Variants in SV2C observed in about 807,000 individuals in gnomAD.
The protein encoded by SV2C is synaptic vesicle glycoprotein 2C.
A neutral mutation model predicts 79.7 loss-of-function variants in SV2C; 49 were observed. The ratio of observed to expected loss-of-function variants is 0.61; its 90% CI spans 0.49 to 0.78. The LOEUF is 0.78. Ranked by LOEUF, SV2C falls within the 30% of genes least tolerant of loss-of-function variation. SV2C has a pLI of 0.00. For missense variants in SV2C, 833 were observed against 912.9 expected (o/e 0.91, Z 1.13); for synonymous variants, 334 against 333.2 (o/e 1.00, Z -0.03).
At chr5:76,088,829 C>T (rs747318070) in intron 1 of SV2C, among the ~76,000 whole-genome samples, 13 of 151,810 alleles carry the variant, frequency 8.6e-5, no homozygotes, top group Non-Finnish European at 1.3e-4. Flanking sequence ...TCATTAATGC[C>T]AGTCCCCCTT....
the SV2C span, among the ~76,000 whole-genome samples, chr5:75,974,220 C>G: frequency 2.6e-5 from 4 of 151,968 alleles, no homozygotes; most frequent in East Asian, 7.7e-4. Flanking sequence ...TGGCAGAAAC[C>G]CAGGTTCAGC....
At chr5:76,320,047 C>T (rs901036483) in intron 12 of SV2C, among the ~76,000 whole-genome samples, 6 of 151,994 alleles carry the variant, frequency 3.9e-5, no homozygotes, top group African/African-American at 1.2e-4. Flanking sequence ...CACGGTGGCT[C>T]ATACCTGTAA....
chr5:76,222,966 C>T (rs1424513714), intron 4 of SV2C, among the ~76,000 whole-genome samples: 1 of 152,080 alleles, frequency 6.6e-6, no homozygotes, highest in Non-Finnish European at 1.5e-5. Flanking sequence ...GTTCTCTGTA[C>T]ATGAAGAAGC....
At chr5:75,881,878 T>G in the SV2C span, among the ~76,000 whole-genome samples, 1 of 146,678 alleles carries the variant, frequency 6.8e-6, no homozygotes, top group Admixed American at 6.8e-5. Context: ...CTTGTGCCAG[T>G]TTTCAAAGGG....
At chr5:76,141,465 G>C (rs918977895) in intron 2 of SV2C, among the ~76,000 whole-genome samples, 2 of 152,154 alleles carry the variant, frequency 1.3e-5, no homozygotes, top group Non-Finnish European at 2.9e-5. Context: ...TCTACCTAAA[G>C]TCACTGGAGA....
chr5:76,339,607 A>G (rs369402256), intron 12 of SV2C, among the ~76,000 whole-genome samples: 7 of 151,884 alleles, frequency 4.6e-5, no homozygotes, highest in Non-Finnish European at 1.0e-4. Context: ...CCAGCTACTC[A>G]GGAGGATGAG....
the SV2C span, among the ~76,000 whole-genome samples, chr5:75,972,618 C>T: frequency 1.3e-5 from 2 of 152,062 alleles, no homozygotes; most frequent in East Asian, 3.8e-4. Context: ...AAATCAAAAC[C>T]ACAATGAGAT....
chr5:76,192,170 A>C (rs1413224476), intron 2 of SV2C, among the ~76,000 whole-genome samples: 1 of 152,190 alleles, frequency 6.6e-6, no homozygotes, highest in Non-Finnish European at 1.5e-5. Flanking sequence ...TGTTATTGGA[A>C]AGCACCCTCA....
chr5:76,009,580 A>G, the SV2C span, among the ~76,000 whole-genome samples: 1 of 152,236 alleles, frequency 6.6e-6, no homozygotes, highest in African/African-American at 2.4e-5. Flanking sequence ...CTACACAGCC[A>G]TGAGAAGAAT....
At chr5:75,964,141 T>C in the SV2C span, among the ~76,000 whole-genome samples, 2 of 152,146 alleles carry the variant, frequency 1.3e-5, no homozygotes, top group Non-Finnish European at 2.9e-5. Context: ...TTTTCTTTCT[T>C]CTTGGTGTTG....
At chr5:76,027,391 T>G in the SV2C span, among the ~76,000 whole-genome samples, 13 of 151,000 alleles carry the variant, frequency 8.6e-5, no homozygotes, top group African/African-American at 2.9e-4. Flanking sequence ...CCTTTTTTTT[T>G]GTCATTTCTT....
At chr5:76,223,005 A>T (rs1295721359) in intron 4 of SV2C, among the ~76,000 whole-genome samples, 2 of 152,090 alleles carry the variant, frequency 1.3e-5, no homozygotes, top group East Asian at 3.9e-4. Context: ...AGCAACACAG[A>T]GTTGGAATGG....
the SV2C span, among the ~76,000 whole-genome samples, chr5:75,971,341 A>G: frequency 2.6e-4 from 40 of 152,146 alleles, no homozygotes; most frequent in South Asian, 8.1e-3. Context: ...CAGGCAGGAG[A>G]AGGAAATAAA....
At chr5:75,855,999 A>C in the SV2C span, among the ~76,000 whole-genome samples, 3 of 152,112 alleles carry the variant, frequency 2.0e-5, no homozygotes, top group African/African-American at 7.2e-5. Flanking sequence ...CATGAGTTCA[A>C]TTGCTTTAAT....
chr5:76,211,463 CGTGTGTGT>C (rs10593541), intron 4 of SV2C, among the ~76,000 whole-genome samples: 31,620 of 149,504 alleles, frequency 0.21, 3,375 homozygotes, highest in Admixed American at 0.27. Context: ...GTTCTGGTTG[CGTGTGTGT>C]GTGTGTGTGT....
At chr5:76,301,628 G>T (rs914335167) in intron 12 of SV2C, 83 bp downstream of exon 12, 27 of 1,492,510 alleles carry the variant, frequency 1.8e-5, no homozygotes, top group Non-Finnish European at 2.4e-5. Flanking sequence ...ACCCAAACTG[G>T]CTGGGCACGG....
the SV2C span, among the ~76,000 whole-genome samples, chr5:75,938,240 C>T: frequency 6.6e-6 from 1 of 152,162 alleles, no homozygotes; most frequent in Non-Finnish European, 1.5e-5. Context: ...TGTTATCTAA[C>T]TACACTGTGG....
At chr5:76,205,940 T>C (rs1227726597) in intron 3 of SV2C, among the ~76,000 whole-genome samples, 1 of 152,186 alleles carries the variant, frequency 6.6e-6, no homozygotes, top group Non-Finnish European at 1.5e-5. Flanking sequence ...TTGCCAGATA[T>C]CTTCAGGGAG....
chr5:76,125,164 G>C (rs1205283361), intron 1 of SV2C, among the ~76,000 whole-genome samples: 5 of 152,012 alleles, frequency 3.3e-5, no homozygotes, highest in Non-Finnish European at 4.4e-5. Context: ...AAATTTCCAG[G>C]CTCTTTGAAT....
Sources: allele counts gnomAD v4.1 joint callset (sites outside exome capture counted in the v4.1 genomes callset), GRCh38; gene constraint gnomAD v4.1.1; transcripts MANE v1.5; gene names NCBI Gene and HGNC (gene_info 2026-07-23, HGNC 2026-07-21).